Variants in ZNF266 observed in about 807,000 individuals in gnomAD.
ZNF266 encodes zinc finger protein 266, also known as zinc finger protein 1.
ZNF266 carries 16 observed loss-of-function variants against 16.4 expected under a neutral mutation model. The ratio of observed to expected loss-of-function variants is 0.98; its 90% confidence interval spans 0.66 to 1.48. The LOEUF (loss-of-function observed/expected upper bound fraction) is 1.48, where lower values mean the gene tolerates loss of function less well. Among genes scored for constraint, ZNF266 ranks in the 40% most tolerant of loss-of-function variants. The pLI is 0.00. For missense variants in ZNF266, 738 were observed against 689.1 expected (o/e 1.07, Z -0.79); for synonymous variants, 262 against 237.9 (o/e 1.10, Z -0.93).
intron 5 of ZNF266, among the ~76,000 whole-genome samples, chr19:9,432,117 G>A (rs1187199973): frequency 2.5e-5 from 3 of 118,950 alleles, no homozygotes; most frequent in Non-Finnish European, 5.5e-5. Context: ...CACCATGCCC[G>A]GCTAATTTTT....
chr19:9,418,138 A>G (rs141498378), intron 8 of ZNF266, among the ~76,000 whole-genome samples: 7 of 152,370 alleles, frequency 4.6e-5, no homozygotes, highest in African/African-American at 1.7e-4. Flanking sequence ...TTATCCAAAT[A>G]GGAAGTTAAG....
In ZNF266 at chr19:9,418,400, G is replaced by A. The variant is rs941945568; in HGVS notation, c.235+105C>T. 2.7e-5 allele frequency: 34 copies of A among 1,275,522 alleles called. No homozygotes were observed. In the Admixed American group the frequency reaches 5.9e-4, roughly 22 times the overall value. The allele number at this position is 1,275,522 out of a possible 1,614,324, so 79.0% of individuals were successfully genotyped here. ...CCCTATTAGGGCAGGGACTATGTCT[G>A]TTATTTCCCATTGTGTTCAGAGTTG... On this transcript the variant is annotated intron_variant, in intron 8 of 10. Transcript: ENST00000592904.
intron 5 of ZNF266, among the ~76,000 whole-genome samples, chr19:9,429,357 C>T (rs1418046363): frequency 6.6e-6 from 1 of 151,996 alleles, no homozygotes; most frequent in Non-Finnish European, 1.5e-5. Context: ...CCCACCTGAA[C>T]CTAAACTTCC....
intron 5 of ZNF266, among the ~76,000 whole-genome samples, chr19:9,422,777 T>C (rs949876612): frequency 9.8e-6 from 1 of 102,556 alleles, no homozygotes; most frequent in Non-Finnish European, 2.2e-5. Context: ...ATCTTCCGAG[T>C]GGCAGAACTT....
chr19:9,422,454 A>G (rs1344392271), intron 5 of ZNF266, among the ~76,000 whole-genome samples: 3 of 152,142 alleles, frequency 2.0e-5, no homozygotes, highest in Admixed American at 2.0e-4. Flanking sequence ...GAACTACTCA[A>G]AGAATGCAAG....
At chr19:9,422,037 G>A (rs1015486352) in intron 5 of ZNF266, among the ~76,000 whole-genome samples, 2 of 152,120 alleles carry the variant, frequency 1.3e-5, no homozygotes, top group African/African-American at 4.8e-5. Context: ...ATTTTTAGTA[G>A]ACACGGGGTT....
At chr19:9,418,810 CAT>C (rs1236608943) in intron 7 of ZNF266, 179 bp from the exon 8 acceptor site, 12 of 503,762 alleles carry the variant, frequency 2.4e-5, no homozygotes, top group Admixed American at 9.9e-5. Context: ...ACTTCTTACA[CAT>C]GATTGTATGT....
rs1248530685 is a variant in ZNF266, at chr19:9,412,927, G to A, written c.*348C>T. 1 of 247,720 alleles carries A rather than the reference G, an allele frequency of 4.0e-6. No individual in the cohort carries two copies. The highest frequency in any genetic ancestry group is 9.1e-5 in the East Asian group (1 of 10,932). 15.3% of individuals were successfully genotyped at this position (247,720 alleles called of 1,614,324 possible). ...AGGACTTAGGGCTTACAAATATGGA[G>A]TGGGGCATCATCCAGACCATACCAT... On this transcript the variant is annotated 3_prime_UTR_variant, in exon 11 of 11. Coordinates refer to ENST00000592904, the MANE Select transcript of ZNF266 (RefSeq NM_001370374.1).
At chr19:9,415,210 G>A (rs2068799267) in intron 10 of ZNF266, among the ~76,000 whole-genome samples, 1 of 152,150 alleles carries the variant, frequency 6.6e-6, no homozygotes, top group African/African-American at 2.4e-5. Flanking sequence ...CACAAGAATC[G>A]CTTGAACCCA....
At chr19:9,424,658 T>C (rs2070462799) in intron 5 of ZNF266, among the ~76,000 whole-genome samples, 1 of 152,248 alleles carries the variant, frequency 6.6e-6, no homozygotes, top group South Asian at 2.1e-4. Flanking sequence ...TTTATTTAAA[T>C]GAACCATTTA....
At chr19:9,430,234 G>A (rs902442354) in intron 5 of ZNF266, among the ~76,000 whole-genome samples, 6 of 152,144 alleles carry the variant, frequency 3.9e-5, no homozygotes, top group East Asian at 1.9e-4. Context: ...AACTGCCTTC[G>A]TTCTCGCTTC....
At chr19:9,416,384 A>G (rs1358909963) in intron 9 of ZNF266, among the ~76,000 whole-genome samples, 22 of 142,806 alleles carry the variant, frequency 1.5e-4, no homozygotes, top group African/African-American at 5.5e-4. Context: ...TTTTTTTGAG[A>G]AAGACTTTCA....
chr19:9,413,237 A>G lies in ZNF266; in HGVS notation c.*38T>C. On this transcript the variant is annotated 3_prime_UTR_variant, in exon 11 of 11. Transcript: ENST00000592904. ...CTCCCCAGTGAGTTTTCATGTCTTC[A>G]GAGAGAACAGGGACACCTTTAGGTT... The G allele has an allele frequency of 6.5e-7, 1 of 1,527,744 alleles. No individual in the cohort carries two copies. Among genetic ancestry groups the G allele is most frequent in the Non-Finnish European group, 8.8e-7 (1 of 1,141,006 alleles). The allele number at this position is 1,527,744 out of a possible 1,614,324, so 94.6% of individuals were successfully genotyped here.
rs1186932680 is a variant in ZNF266, at chr19:9,414,449, C to A, written c.677G>T (p.Ser226Ile). The A allele has an allele frequency of 3.7e-6, 6 of 1,614,096 alleles. No homozygotes were observed. Among genetic ancestry groups the A allele is most frequent in the Admixed American group, 1.7e-5 (1 of 60,004 alleles). ...ATTAATGAAGGATTTCCCAGAGTCA[C>A]TGCAATCAAAAGCTTTCTCTCCTGT... The part of the protein sequence containing the change: ...TCTGEKAFDC[S>I]DSGKSFINHS... The change falls in exon 11 of 11, where the codon AGT (serine) becomes ATT (isoleucine). Residue 226 changes from serine (S) to isoleucine (I), a missense_variant. Physicochemically the swap from Ser to Ile is moderately radical, Grantham distance 142. Coordinates refer to ENST00000592904, the MANE Select transcript of ZNF266 (RefSeq NM_001370374.1).
At chr19:9,427,509 T>C (rs1033927448) in intron 5 of ZNF266, among the ~76,000 whole-genome samples, 2 of 151,940 alleles carry the variant, frequency 1.3e-5, no homozygotes, top group African/African-American at 4.8e-5. Context: ...ATATTTTAAG[T>C]AGAGACAGGG....
chr19:9,424,874 G>A (rs1259168819), intron 5 of ZNF266, among the ~76,000 whole-genome samples: 1 of 152,096 alleles, frequency 6.6e-6, no homozygotes, highest in Non-Finnish European at 1.5e-5. Flanking sequence ...TATCTTCTTA[G>A]GTAGGAATAT....
In ZNF266 at chr19:9,413,708, TTC is replaced by T. The variant is rs2068559498; in HGVS notation, c.1416_1417del (p.Lys473AlafsTer3). 6.2e-7 allele frequency: 1 copy of T among 1,614,096 alleles called. No individual in the cohort carries two copies. Among genetic ancestry groups the T allele is most frequent in the Non-Finnish European group, 8.5e-7 (1 of 1,180,044 alleles). Reference sequence around the variant, plus strand: ...CCCACATTTGACACATTCAAAAGGCTTCTCTCCAGTGTGAGTTCTTGTATGTT... The same window carrying T: ...CCCACATTTGACACATTCAAAAGGCTTCTCCAGTGTGAGTTCTTGTATGTT... On this transcript the variant is annotated frameshift_variant, in exon 11 of 11. Coordinates refer to ENST00000592904, the MANE Select transcript of ZNF266 (RefSeq NM_001370374.1). LOFTEE classifies it low-confidence loss of function (END_TRUNC).
chr19:9,424,311 C>T (rs2070400902), intron 5 of ZNF266, among the ~76,000 whole-genome samples: 1 of 151,362 alleles, frequency 6.6e-6, no homozygotes, highest in Non-Finnish European at 1.5e-5. Flanking sequence ...CACTACTAGA[C>T]AATTGAGGCA....
chr19:9,428,591 G>A lies in ZNF266; in HGVS notation c.-130+5077C>T, dbSNP rs569299283. 8.7e-4 allele frequency among the ~76,000 whole-genome samples: 133 copies of A among 152,136 alleles called. 1 individual carries two copies. Among genetic ancestry groups the A allele is most frequent in the Non-Finnish European group, 1.4e-3 (97 of 68,010 alleles). ...TAAAGGACAGGACCCAAGAAACAAC[G>A]TGCCTGGCCAAACTTCAGGCAGCTG... On this transcript the variant is annotated intron_variant, in intron 5 of 10. Coordinates refer to ENST00000592904, the MANE Select transcript of ZNF266 (RefSeq NM_001370374.1).
Sources: allele counts gnomAD v4.1 joint callset (sites outside exome capture counted in the v4.1 genomes callset), GRCh38; gene constraint gnomAD v4.1.1; transcripts MANE v1.5; gene names NCBI Gene and HGNC (gene_info 2026-07-23, HGNC 2026-07-21).